DGKD: variants seen among roughly 807,000 people sequenced by gnomAD.
DGKD encodes diacylglycerol kinase delta.
DGKD carries 68 observed loss-of-function variants against 154.4 expected under a neutral mutation model. The observed-to-expected ratio is 0.44, with a 90% CI of 0.36 to 0.54. The LOEUF (loss-of-function observed/expected upper bound fraction) is 0.54. Ranked by LOEUF, DGKD falls within the 20% of genes least tolerant of loss-of-function variation. The pLI, the probability that DGKD is intolerant of heterozygous loss-of-function variation, is 0.00. For missense variants in DGKD, 1,343 were observed against 1,593.6 expected, an observed-to-expected ratio of 0.84 and a Z score of 2.68; for synonymous variants, 693 against 638.0, an observed-to-expected ratio of 1.09 and a Z score of -1.30.
chr2:233,442,095 C>G (rs2062914558), intron 10 of DGKD, 100 bp downstream of exon 10: 2 of 1,095,982 alleles, frequency 1.8e-6, no homozygotes, highest in South Asian at 1.3e-5. Flanking sequence ...AGCACCTGTT[C>G]TCAGGCCAGA....
rs371370619 is a variant in DGKD, at chr2:233,454,795, A to G, written c.2297A>G (p.Asn766Ser). The G allele has an allele frequency of 6.2e-7, 1 of 1,613,638 alleles. No individual in the cohort carries two copies. The highest frequency in any genetic ancestry group is 1.3e-5 in the African/African-American group (1 of 74,910). ...TACACGGAGAAATGTGTCATGAACA[A>G]CTATTTTGGCATTGGCCTGGATGCG... ...EYYTEKCVMN[N>S]YFGIGLDAKI... The change falls in exon 19 of 30, where the codon AAC (asparagine) becomes AGC (serine). Residue 766 changes from asparagine to serine, a missense_variant. Asn to Ser is a conservative substitution (Grantham distance 46, BLOSUM62 1). Around this residue, in one of 6 missense-constraint regions of DGKD, gnomAD observed 60 missense variants for 112.4 expected, o/e 0.53. Transcript: ENST00000264057.
chr2:233,414,438 C>T (rs1162472905), intron 3 of DGKD, among the ~76,000 whole-genome samples: 1 of 152,222 alleles, frequency 6.6e-6, no homozygotes, highest in African/African-American at 2.4e-5. Context: ...GTGCTGAGTT[C>T]ATGTGATAGC....
At chr2:233,397,036 T>C (rs1442233523) in intron 3 of DGKD, among the ~76,000 whole-genome samples, 2 of 47,288 alleles carry the variant, frequency 4.2e-5, no homozygotes, top group African/African-American at 7.9e-5. Context: ...GGCGCCAGAG[T>C]GAGAGGACTC....
In DGKD at chr2:233,458,090, G is replaced by A. The variant is rs1181862236; in HGVS notation, c.2581-194G>A. Reference sequence around the variant, plus strand: ...GAGAGAGAGATTCAGTAACTTTGCCGAGATGAGAGCTGGGATTTGGTCCCA... The same window carrying A: ...GAGAGAGAGATTCAGTAACTTTGCCAAGATGAGAGCTGGGATTTGGTCCCA... On this transcript the variant is annotated intron_variant, in intron 21 of 29. Transcript: ENST00000264057. This position sits in a 1 kb window ranked among gnomAD's most constrained non-coding sequence, Gnocchi z 6.6. The A allele has an allele frequency of 7.6e-6, 4 of 522,934 alleles. No individual in the cohort carries two copies. Among genetic ancestry groups the A allele is most frequent in the Admixed American group, 3.1e-5 (1 of 32,058 alleles). The allele number at this position is 522,934 out of a possible 1,614,324, so 32.4% of individuals were successfully genotyped here. A position where few individuals can be genotyped will look rare whatever the true frequency, so the allele number is the denominator to read the frequency against.
intron 1 of DGKD, among the ~76,000 whole-genome samples, chr2:233,384,038 G>A (rs838715): frequency 0.33 from 50,395 of 151,630 alleles, 9,074 homozygotes; most frequent in Middle Eastern, 0.46. Flanking sequence ...CAAAAAAATA[G>A]CAAGGTCACA....
At chr2:233,398,493 C>G (rs1474823001) in intron 3 of DGKD, among the ~76,000 whole-genome samples, 1 of 152,086 alleles carries the variant, frequency 6.6e-6, no homozygotes, top group African/African-American at 2.4e-5. Flanking sequence ...AAGTCATTCC[C>G]TCCAGGGAAA....
Position 233,370,570 on chromosome 2 carries a change from C to CTT in DGKD, c.156+15914_156+15915dup, listed in dbSNP as rs56301429. On this transcript the variant is annotated intron_variant, in intron 1 of 29. Coordinates refer to ENST00000264057, the MANE Select transcript of DGKD (RefSeq NM_152879.3). ...TACGTTGTACGTTTCAGAACTTCTT[C>CTT]TTTTTTTTTTTTTTTTTTTGTTTGA... Among the ~76,000 whole-genome samples the CTT allele has an allele frequency of 5.4e-3, 671 of 123,272 alleles. 13 individuals carry two copies. The highest frequency in any genetic ancestry group is 0.012 in the East Asian group (51 of 4,282). 80.9% of individuals were successfully genotyped at this position (123,272 alleles called of 152,430 possible).
chr2:233,461,610 G>A (rs912636593), intron 24 of DGKD, among the ~76,000 whole-genome samples: 11 of 152,260 alleles, frequency 7.2e-5, no homozygotes, highest in African/African-American at 2.4e-4. Flanking sequence ...TTGCCGTGCA[G>A]TGGGCTTCTG....
chr2:233,457,636 T>G lies in DGKD; in HGVS notation c.2580+308T>G, dbSNP rs981467591. On this transcript the variant is annotated intron_variant, in intron 21 of 29. Coordinates refer to ENST00000264057, the MANE Select transcript of DGKD (RefSeq NM_152879.3). The surrounding 1 kb of genome is among the most constrained non-coding windows in gnomAD (Gnocchi z 5.5). ...CCAAGACCTGAAGGATGAGTTGGAG[T>G]TGGCTAAGTTAGGTGGGCAGAGGAG... is the stretch of plus-strand genomic sequence containing the variant. 1 of 513,324 alleles carries G rather than the reference T, an allele frequency of 1.9e-6. No individual in the cohort carries two copies. The highest frequency in any genetic ancestry group is 5.2e-5 in the East Asian group (1 of 19,348). 31.8% of individuals were successfully genotyped at this position (513,324 alleles called of 1,614,324 possible). A position where few individuals can be genotyped will look rare whatever the true frequency, so the allele number is the denominator to read the frequency against.
chr2:233,399,416 C>T (rs769508306), intron 3 of DGKD, among the ~76,000 whole-genome samples: 5 of 152,234 alleles, frequency 3.3e-5, no homozygotes, highest in African/African-American at 4.8e-5. Context: ...AAGATCAGGT[C>T]TTCCTTCCTG....
At chr2:233,426,320 GT>G (rs2062297131) in intron 3 of DGKD, among the ~76,000 whole-genome samples, 1 of 152,102 alleles carries the variant, frequency 6.6e-6, no homozygotes, top group Non-Finnish European at 1.5e-5. Flanking sequence ...GTGGTTATGT[GT>G]TTTTGAGAAA....
At chr2:233,450,155 T>A in intron 16 of DGKD, 24 bp downstream of exon 16, 1 of 1,590,836 alleles carries the variant, frequency 6.3e-7, no homozygotes, top group Non-Finnish European at 8.6e-7. Flanking sequence ...CACCTCCCTC[T>A]GCGCACCGTC....
At chr2:233,419,480 A>G (rs768121504) in intron 3 of DGKD, 45 of 979,306 alleles carry the variant, frequency 4.6e-5, no homozygotes, top group Admixed American at 6.2e-5. Context: ...TGGTGAGTTC[A>G]AGGTCAGGGT....
intron 7 of DGKD, among the ~76,000 whole-genome samples, chr2:233,436,804 G>T (rs2062713096): frequency 6.6e-6 from 1 of 152,236 alleles, no homozygotes; most frequent in Non-Finnish European, 1.5e-5. Flanking sequence ...AGCGGCGTTG[G>T]CTCTGGGCAG....
chr2:233,408,342 T>G (rs969622499), intron 3 of DGKD, among the ~76,000 whole-genome samples: 1 of 152,222 alleles, frequency 6.6e-6, no homozygotes, highest in Admixed American at 6.5e-5. Flanking sequence ...CCAGAGAAAC[T>G]GTATATAATT....
chr2:233,440,139 C>T lies in DGKD; in HGVS notation c.1086-1748C>T, dbSNP rs77676635. The stretch of plus-strand genomic sequence containing the variant: ...GGGATGATTTAGGAAGCCCCCACAG[C>T]GGCGTAAGGGGAGTTGAGTCGTCAT... On this transcript the variant is annotated intron_variant, in intron 9 of 29. Transcript: ENST00000264057. This position sits in a 1 kb window ranked among gnomAD's most constrained non-coding sequence, Gnocchi z 4.9. Among the ~76,000 whole-genome samples the T allele has an allele frequency of 9.8e-3, 1,498 of 152,260 alleles. 27 individuals carry two copies. Among genetic ancestry groups the T allele is most frequent in the African/African-American group, 0.034 (1,403 of 41,556 alleles).
At chr2:233,427,249 C>T (rs1210953138) in intron 3 of DGKD, among the ~76,000 whole-genome samples, 1 of 151,910 alleles carries the variant, frequency 6.6e-6, no homozygotes, top group Non-Finnish European at 1.5e-5. Flanking sequence ...AGTTCTGCTC[C>T]TTCTCTTGGT....
intron 1 of DGKD, among the ~76,000 whole-genome samples, chr2:233,384,942 T>G (rs953911845): frequency 2.0e-5 from 3 of 152,162 alleles, no homozygotes; most frequent in Admixed American, 6.5e-5. Context: ...CTCACTGCCC[T>G]GTGCCCCACA....
chr2:233,365,174 ACATC>A (rs1375037628), intron 1 of DGKD, among the ~76,000 whole-genome samples: 2 of 152,232 alleles, frequency 1.3e-5, no homozygotes, highest in Non-Finnish European at 2.9e-5. Flanking sequence ...CATGCTGTAT[ACATC>A]AAGTAGACAA....
Sources: gnomAD v4.1 joint callset for allele counts (sites outside exome capture counted in the v4.1 genomes callset) on GRCh38, gnomAD v4.1.1 for gene constraint, gnomAD v4.1.1 regional missense constraint, Gnocchi (gnomAD v3.1) non-coding constraint, MANE v1.5 for transcripts, NCBI Gene and HGNC (gene_info 2026-07-23, HGNC 2026-07-21) for gene names.